Variants in MCF2L2 observed in about 807,000 individuals in gnomAD.
The protein encoded by MCF2L2 is probable guanine nucleotide exchange factor MCF2L2.
A neutral mutation model predicts 150.2 loss-of-function variants in MCF2L2; 102 were observed. The ratio of observed to expected loss-of-function variants is 0.68; its 90% CI spans 0.58 to 0.80. The LOEUF (loss-of-function observed/expected upper bound fraction) is 0.80, where lower values mean the gene tolerates loss of function less well. Among genes scored for constraint, MCF2L2 ranks in the 30% least tolerant of loss-of-function variants. The probability of loss-of-function intolerance (pLI) is 0.00; values close to 1 mark genes in which losing one functional copy is unlikely to be tolerated. For synonymous variants in MCF2L2, 465 were observed against 491.3 expected (o/e 0.95, Z 0.71); for missense variants, 1,256 against 1,372.8 (o/e 0.91, Z 1.34).
At chr3:183,417,441 T>C (rs1203330296) in intron 1 of MCF2L2, among the ~76,000 whole-genome samples, 1 of 152,118 alleles carries the variant, frequency 6.6e-6, no homozygotes, top group Non-Finnish European at 1.5e-5. Flanking sequence ...TGTACTTTTG[T>C]TTAACATAAT....
At chr3:183,323,170 T>TC in intron 6 of MCF2L2, 65 bp downstream of exon 6, 1 of 1,182,904 alleles carries the variant, frequency 8.5e-7, no homozygotes, top group South Asian at 1.5e-5. Flanking sequence ...GATCTTTAAC[T>TC]CCCCCACCCC....
chr3:183,228,280 T>C lies in MCF2L2; in HGVS notation c.2115+17A>G, dbSNP rs1319069892. On this transcript the variant is annotated intron_variant, in intron 18 of 29. Transcript: ENST00000328913. ...GGCTGACTTTAACATGATTATTTAC[T>C]GGGAGTACAGACTTACTCTCTTGAG... The C allele has an allele frequency of 1.3e-6, 2 of 1,597,492 alleles. No individual in the cohort carries two copies. The highest frequency in any genetic ancestry group is 1.7e-5 in the Admixed American group (1 of 59,972).
At chr3:183,383,693 T>G (rs986774074) in intron 2 of MCF2L2, among the ~76,000 whole-genome samples, 17 of 152,234 alleles carry the variant, frequency 1.1e-4, no homozygotes, top group Non-Finnish European at 2.9e-5. Flanking sequence ...CATGTGGAAA[T>G]ACATACTATT....
intron 10 of MCF2L2, among the ~76,000 whole-genome samples, chr3:183,303,586 T>A (rs1728959271): frequency 6.6e-6 from 1 of 152,194 alleles, no homozygotes; most frequent in African/African-American, 2.4e-5. Context: ...ACCCTCCCAG[T>A]CATTCACGAA....
intron 3 of MCF2L2, among the ~76,000 whole-genome samples, chr3:183,354,532 C>G (rs61616355): frequency 0.21 from 29,213 of 141,266 alleles, 3,413 homozygotes; most frequent in African/African-American, 0.34. Context: ...CTGCTGACTT[C>G]TACTCTTTAG....
At position 183,196,439 on chromosome 3, in the gene MCF2L2, C is replaced by T. The variant is rs549608359; in HGVS notation, c.2885-1184G>A. On this transcript the variant is annotated intron_variant, in intron 25 of 29. Coordinates refer to ENST00000328913, the MANE Select transcript of MCF2L2 (RefSeq NM_015078.4). ...AGAGCTTTGTAAAGTGCTCGGCAGGCGTAAGGTACTGACAGTCCTGATATT... is the reference window on the plus strand; with the variant it reads ...AGAGCTTTGTAAAGTGCTCGGCAGGTGTAAGGTACTGACAGTCCTGATATT... Among the ~76,000 whole-genome samples, 6 of 152,296 alleles carry T rather than the reference C, an allele frequency of 3.9e-5. No individual in the cohort carries two copies. In the South Asian group the frequency reaches 8.3e-4, roughly 21 times the overall value.
At chr3:183,194,717 C>G (rs949416625) in intron 26 of MCF2L2, among the ~76,000 whole-genome samples, 10 of 152,050 alleles carry the variant, frequency 6.6e-5, no homozygotes, top group Admixed American at 3.3e-4. Context: ...GATTTAATAT[C>G]CTAGGCTAGC....
intron 14 of MCF2L2, among the ~76,000 whole-genome samples, chr3:183,277,902 T>G (rs994052450): frequency 6.6e-6 from 1 of 151,478 alleles, no homozygotes; most frequent in Non-Finnish European, 1.5e-5. Flanking sequence ...ATATAAAAGT[T>G]GGCCAGGTGC....
intron 27 of MCF2L2, among the ~76,000 whole-genome samples, chr3:183,192,299 C>T (rs532266119): frequency 8.5e-5 from 13 of 152,082 alleles, no homozygotes; most frequent in South Asian, 2.1e-4. Flanking sequence ...CCACCACGCC[C>T]GGCTGATTTT....
intron 6 of MCF2L2, among the ~76,000 whole-genome samples, chr3:183,322,570 C>T (rs763662921): frequency 2.0e-5 from 3 of 152,204 alleles, no homozygotes; most frequent in Non-Finnish European, 4.4e-5. Context: ...AAGAAACAAG[C>T]TCAGAAATGC....
chr3:183,309,846 C>T lies in MCF2L2; in HGVS notation c.994-11G>A, dbSNP rs750653557. The stretch of plus-strand genomic sequence containing the variant: ...CAGGGCAAGCTTAGCCTACAAGAAA[C>T]ATTAGAACAGTCCAGAAGTAAACCA... On this transcript the variant is annotated splice_polypyrimidine_tract_variant and intron_variant, in intron 9 of 29. Transcript: ENST00000328913. 1.2e-5 allele frequency: 20 copies of T among 1,613,208 alleles called. No homozygotes were observed. In the Admixed American group the frequency reaches 3.0e-4, roughly 24 times the overall value.
Position 183,207,650 on chromosome 3 carries a change from G to C in MCF2L2, c.2670C>G (p.Asp890Glu), listed in dbSNP as rs199740627. 1.9e-6 allele frequency: 3 copies of C among 1,614,032 alleles called. No individual in the cohort carries two copies. Among genetic ancestry groups the C allele is most frequent in the Non-Finnish European group, 2.5e-6 (3 of 1,180,004 alleles). ...AGCTGTAATGAGGAGATAATCCCTG[G>C]TCCCCAGGCTCCATTCGTATCTTAC... ...VFCKIRMEPG[D>E]QGLSPHYSFK... The change falls in exon 23 of 30, where the codon GAC becomes GAG. Residue 890 changes from aspartate to glutamate, a missense_variant. Coordinates refer to ENST00000328913, the MANE Select transcript of MCF2L2 (RefSeq NM_015078.4).
At chr3:183,373,498 C>CT (rs1256899676) in intron 3 of MCF2L2, 2 of 138,976 alleles carry the variant, frequency 1.4e-5, no homozygotes, top group Non-Finnish European at 3.0e-5. Flanking sequence ...TCTGCACATT[C>CT]ACTGCCACCT....
chr3:183,239,346 A>G (rs1267324598), intron 15 of MCF2L2, among the ~76,000 whole-genome samples: 4 of 152,130 alleles, frequency 2.6e-5, no homozygotes, highest in Non-Finnish European at 5.9e-5. Context: ...CTCTGAAGCC[A>G]TATTTCAGGG....
In MCF2L2 at chr3:183,333,301, C is replaced by A. The variant is rs923771365; in HGVS notation, c.486+5499G>T. ...ACCCCAGATGATCTGCCCACCTCAG[C>A]CTCCCAAAATGTTGGGATTATAGGC... On this transcript the variant is annotated intron_variant, in intron 5 of 29. Transcript: ENST00000328913. Among the ~76,000 whole-genome samples, 11 of 152,336 alleles carry A rather than the reference C, an allele frequency of 7.2e-5. No homozygotes were observed. The East Asian group carries it at 2.1e-3, about 29-fold the overall frequency.
intron 13 of MCF2L2, among the ~76,000 whole-genome samples, chr3:183,294,615 G>GTATATA (rs546545081): frequency 2.4e-5 from 3 of 126,370 alleles, no homozygotes; most frequent in East Asian, 5.9e-4. Flanking sequence ...GTGTGTGTGT[G>GTATATA]TATATATATA....
intron 5 of MCF2L2, among the ~76,000 whole-genome samples, chr3:183,326,171 A>G (rs545768724): frequency 1.1e-3 from 173 of 152,260 alleles, no homozygotes; most frequent in African/African-American, 4.0e-3. Context: ...CCACACAAAT[A>G]CGATCAATTG....
At chr3:183,333,171 C>T (rs1158641080) in intron 5 of MCF2L2, among the ~76,000 whole-genome samples, 1 of 152,116 alleles carries the variant, frequency 6.6e-6, no homozygotes, top group African/African-American at 2.4e-5. Context: ...CTCAGCCCCC[C>T]GAGTAGCTAG....
At chr3:183,280,424 T>G (rs1727405888) in intron 14 of MCF2L2, among the ~76,000 whole-genome samples, 1 of 152,190 alleles carries the variant, frequency 6.6e-6, no homozygotes, top group Admixed American at 6.5e-5. Context: ...AATTGTTTTT[T>G]TTTTCTTCCC....
Sources: allele counts gnomAD v4.1 joint callset (sites outside exome capture counted in the v4.1 genomes callset), GRCh38; gene constraint gnomAD v4.1.1; transcripts MANE v1.5; gene names NCBI Gene and HGNC (gene_info 2026-07-23, HGNC 2026-07-21).